The following DOCK8 variants were observed in gnomAD, a reference collection of about 807,000 sequenced individuals.
DOCK8 encodes dedicator of cytokinesis protein 8.
DOCK8 carries 141 observed loss-of-function variants against 245.6 expected under a neutral mutation model. The ratio of observed to expected loss-of-function variants is 0.57; its 90% CI spans 0.50 to 0.66. The LOEUF (loss-of-function observed/expected upper bound fraction) is 0.66, where lower values mean the gene tolerates loss of function less well. Among genes scored for constraint, DOCK8 ranks in the 30% least tolerant of loss-of-function variants. The probability of loss-of-function intolerance (pLI) is 0.00; values close to 1 mark genes in which losing one functional copy is unlikely to be tolerated. For synonymous variants in DOCK8, 1,168 were observed against 970.2 expected (o/e 1.20, Z -3.79); for missense variants, 2,965 against 2,603.4 (o/e 1.14, Z -3.02).
intron 5 of DOCK8, among the ~76,000 whole-genome samples, chr9:308,751 A>G (rs1304034107): frequency 6.6e-6 from 1 of 152,100 alleles, no homozygotes; most frequent in Non-Finnish European, 1.5e-5. Context: ...CCTGCCTCCC[A>G]GGTTCAAGTG....
upstream of DOCK8, chr9:214,636 T>C: frequency 1.2e-6 from 2 of 1,612,328 alleles, no homozygotes; most frequent in Non-Finnish European, 1.7e-6. Flanking sequence ...TGGTCGCCTG[T>C]CGTCCGCCCG....
intron 29 of DOCK8, among the ~76,000 whole-genome samples, chr9:416,814 T>C (rs1007412693): frequency 2.6e-5 from 4 of 152,238 alleles, no homozygotes; most frequent in African/African-American, 4.8e-5. Context: ...TATAAAAGCA[T>C]TTTGCACAGC....
chr9:253,883 C>T (rs1225054508), intron 1 of DOCK8, among the ~76,000 whole-genome samples: 1 of 152,150 alleles, frequency 6.6e-6, no homozygotes, highest in Non-Finnish European at 1.5e-5. Flanking sequence ...CCCCAGGGAT[C>T]GTAACCACAT....
intron 5 of DOCK8, among the ~76,000 whole-genome samples, chr9:308,965 T>C (rs2049975922): frequency 6.6e-6 from 1 of 152,350 alleles, no homozygotes; most frequent in Non-Finnish European, 1.5e-5. Context: ...CCAGGTTCTT[T>C]CTTTTAATGG....
At chr9:420,226 C>G in intron 30 of DOCK8, 175 bp from the exon 31 acceptor site, 1 of 724,782 alleles carries the variant, frequency 1.4e-6, no homozygotes, top group South Asian at 1.6e-5. Context: ...CACAGCTTCC[C>G]CTGCCTAGGG....
chr9:351,888 T>C (rs1235474115), intron 14 of DOCK8, among the ~76,000 whole-genome samples: 1 of 152,238 alleles, frequency 6.6e-6, no homozygotes, highest in East Asian at 1.9e-4. Context: ...CTTGTAGAAC[T>C]TTCCCTGAAG....
chr9:399,015 C>T (rs576508887), intron 25 of DOCK8, 131 bp from the exon 26 acceptor site: 64 of 777,364 alleles, frequency 8.2e-5, no homozygotes, highest in African/African-American at 5.3e-4. Context: ...TCAACTACTT[C>T]GCCCAGTGCC....
intron 14 of DOCK8, among the ~76,000 whole-genome samples, chr9:341,955 A>C (rs575059598): frequency 1.3e-5 from 2 of 152,200 alleles, no homozygotes; most frequent in Non-Finnish European, 2.9e-5. Flanking sequence ...TGAGAATCTA[A>C]TGCCTGATAT....
chr9:280,753 T>C (rs2048544351), intron 2 of DOCK8: 1 of 152,218 alleles, frequency 6.6e-6, no homozygotes, highest in Non-Finnish European at 1.5e-5. Context: ...TGTGTGTGTA[T>C]GCTACAAAAT....
At chr9:214,321 A>G (rs2131305353), upstream of DOCK8, 1 of 606,146 alleles carries the variant, frequency 1.6e-6, no homozygotes, top group East Asian at 3.3e-5. Flanking sequence ...TGACGAAAAC[A>G]TTTTTTGAGA....
At chr9:306,915 T>C (rs536600840) in intron 5 of DOCK8, among the ~76,000 whole-genome samples, 1 of 152,140 alleles carries the variant, frequency 6.6e-6, no homozygotes, top group African/African-American at 2.4e-5. Flanking sequence ...TGTCTCAAGA[T>C]CTCAGAGGGA....
chr9:383,636 G>T (rs995121078), intron 22 of DOCK8, among the ~76,000 whole-genome samples: 3 of 142,496 alleles, frequency 2.1e-5, no homozygotes, highest in African/African-American at 5.1e-5. Flanking sequence ...GGAGGTGGAG[G>T]TTGCAGTGAG....
chr9:384,933 A>G (rs539399013), intron 22 of DOCK8, among the ~76,000 whole-genome samples: 6 of 152,262 alleles, frequency 3.9e-5, no homozygotes, highest in Admixed American at 6.5e-5. Context: ...AAAAATAAAT[A>G]AAAAATAAAT....
At chr9:385,081 A>G (rs1156262866) in intron 22 of DOCK8, among the ~76,000 whole-genome samples, 1 of 152,182 alleles carries the variant, frequency 6.6e-6, no homozygotes, top group Non-Finnish European at 1.5e-5. Flanking sequence ...CCTGTTCCCA[A>G]AAGCTGATTG....
rs185770537 is a variant in DOCK8 at position 422,415 on chromosome 9, G to T, written c.4241+280G>T. Among the ~76,000 whole-genome samples, 114 of 152,284 alleles carry T rather than the reference G, an allele frequency of 7.5e-4. No homozygotes were observed. The highest frequency in any genetic ancestry group is 2.5e-3 in the African/African-American group (103 of 41,562). On this transcript the variant is annotated intron_variant, in intron 33 of 47. Transcript: ENST00000432829. ...TTAATAAAAGCAGCTGATTTTGCAG[G>T]GAGGGTAGCAGGGAAATAGAGAAAG...
At chr9:334,762 C>G (rs921662175) in intron 11 of DOCK8, among the ~76,000 whole-genome samples, 3 of 152,072 alleles carry the variant, frequency 2.0e-5, no homozygotes, top group Admixed American at 2.0e-4. Flanking sequence ...AAAAAAAAGC[C>G]TCTGTTACAA....
intron 4 of DOCK8, among the ~76,000 whole-genome samples, chr9:302,946 A>G (rs915049586): frequency 1.3e-5 from 2 of 151,956 alleles, no homozygotes; most frequent in Non-Finnish European, 2.9e-5. Flanking sequence ...TGTGCAATGT[A>G]GCAAGACTGT....
At chr9:238,037 A>C (rs996228972) in intron 1 of DOCK8, among the ~76,000 whole-genome samples, 2 of 152,130 alleles carry the variant, frequency 1.3e-5, no homozygotes, top group Non-Finnish European at 2.9e-5. Context: ...GAGTCACGTT[A>C]CTTTTTGTGA....
At chr9:456,335 T>A (rs1486307369) in intron 46 of DOCK8, 4 of 152,258 alleles carry the variant, frequency 2.6e-5, no homozygotes, top group Non-Finnish European at 5.9e-5. Context: ...TCCTCCACTC[T>A]GCTAACAGAC....
Sources: gnomAD v4.1 joint callset for allele counts (sites outside exome capture counted in the v4.1 genomes callset) on GRCh38, gnomAD v4.1.1 for gene constraint, MANE v1.5 for transcripts, NCBI Gene and HGNC (gene_info 2026-07-23, HGNC 2026-07-21) for gene names.